The following ASIC2 variants were observed in gnomAD, a reference collection of about 807,000 sequenced individuals.
The protein encoded by ASIC2 is acid-sensing ion channel 2.
ASIC2 carries 25 observed loss-of-function variants against 57.3 expected under a neutral mutation model. The ratio of observed to expected loss-of-function variants is 0.44; its 90% CI spans 0.32 to 0.61. ASIC2 has a LOEUF of 0.61. Ranked by LOEUF, ASIC2 falls within the 20% of genes least tolerant of loss-of-function variation. The pLI, the probability that ASIC2 is intolerant of heterozygous loss-of-function variation, is 0.06. For missense variants in ASIC2, 641 were observed against 738.1 expected (o/e 0.87, Z 1.52); for synonymous variants, 319 against 307.5 (o/e 1.04, Z -0.39).
chr17:34,067,463 C>T (rs1909214083), intron 1 of ASIC2, among the ~76,000 whole-genome samples: 1 of 152,042 alleles, frequency 6.6e-6, no homozygotes, highest in African/African-American at 2.4e-5. Flanking sequence ...TGAAGGCTAA[C>T]AGGAGTGTGG....
At chr17:33,396,216 A>G (rs1304033335) in intron 1 of ASIC2, among the ~76,000 whole-genome samples, 1 of 152,200 alleles carries the variant, frequency 6.6e-6, no homozygotes, top group Non-Finnish European at 1.5e-5. Flanking sequence ...TGTAGCAAGA[A>G]GCTCAGGATA....
chr17:34,095,499 T>C (rs976607426), intron 1 of ASIC2, among the ~76,000 whole-genome samples: 1 of 151,760 alleles, frequency 6.6e-6, no homozygotes. Context: ...TGCTGCATCT[T>C]TCATCTCCAA....
At chr17:33,478,277 T>C (rs1172204130) in intron 1 of ASIC2, among the ~76,000 whole-genome samples, 1 of 152,256 alleles carries the variant, frequency 6.6e-6, no homozygotes, top group African/African-American at 2.4e-5. Context: ...ACTGTTCATG[T>C]GTCCCTTTGG....
intron 1 of ASIC2, among the ~76,000 whole-genome samples, chr17:33,950,242 G>A (rs12943838): frequency 0.048 from 7,252 of 152,308 alleles, 262 homozygotes; most frequent in Non-Finnish European, 0.066. Context: ...TTGATTACCA[G>A]GGAGGGCCTG....
chr17:34,073,963 G>A (rs1424868668), intron 1 of ASIC2, among the ~76,000 whole-genome samples: 1 of 152,130 alleles, frequency 6.6e-6, no homozygotes, highest in African/African-American at 2.4e-5. Flanking sequence ...CTCTCCAACT[G>A]GACTGTCTGC....
chr17:33,713,119 C>T (rs1183834124), intron 1 of ASIC2, among the ~76,000 whole-genome samples: 3 of 152,134 alleles, frequency 2.0e-5, no homozygotes, highest in East Asian at 1.9e-4. Flanking sequence ...GTCATGCTTG[C>T]GCTATTTATT....
chr17:34,073,400 G>C (rs914128297), intron 1 of ASIC2, among the ~76,000 whole-genome samples: 2 of 152,204 alleles, frequency 1.3e-5, no homozygotes, highest in Non-Finnish European at 2.9e-5. Context: ...ACCCAAAGTA[G>C]AGATAGGTTT....
chr17:33,285,453 CA>C (rs1905112474), intron 1 of ASIC2, among the ~76,000 whole-genome samples: 1 of 152,248 alleles, frequency 6.6e-6, no homozygotes, highest in Non-Finnish European at 1.5e-5. Context: ...AAACTCACGC[CA>C]TCTGCACTAT....
chr17:33,117,585 C>T (rs114995925), intron 1 of ASIC2, among the ~76,000 whole-genome samples: 2,607 of 152,268 alleles, frequency 0.017, 75 homozygotes, highest in African/African-American at 0.06. Context: ...CAAGGGGTAG[C>T]AGAGCTGAGA....
intron 1 of ASIC2, among the ~76,000 whole-genome samples, chr17:34,150,872 T>C (rs1489395111): frequency 6.6e-6 from 1 of 152,074 alleles, no homozygotes; most frequent in Admixed American, 6.5e-5. Context: ...CCTAGCACTT[T>C]GGGAGGCCAA....
intron 1 of ASIC2, among the ~76,000 whole-genome samples, chr17:33,977,349 G>A (rs1359182595): frequency 5.3e-5 from 8 of 152,210 alleles, no homozygotes; most frequent in Non-Finnish European, 8.8e-5. Context: ...CACTTTCAGG[G>A]CACCTCTGCC....
chr17:33,357,416 G>T (rs1908427905), intron 1 of ASIC2, among the ~76,000 whole-genome samples: 1 of 152,180 alleles, frequency 6.6e-6, no homozygotes, highest in South Asian at 2.1e-4. Flanking sequence ...CAACTGGCCA[G>T]ACTTAAATTT....
At chr17:33,198,195 C>T (rs924065381) in intron 1 of ASIC2, among the ~76,000 whole-genome samples, 18 of 152,044 alleles carry the variant, frequency 1.2e-4, no homozygotes, top group African/African-American at 4.3e-4. Flanking sequence ...ACAAAAGATA[C>T]TAAAAAAATT....
intron 1 of ASIC2, among the ~76,000 whole-genome samples, chr17:33,700,663 T>G (rs1185901850): frequency 6.6e-6 from 1 of 152,166 alleles, no homozygotes; most frequent in Non-Finnish European, 1.5e-5. Flanking sequence ...AAGTAATAGA[T>G]GTTAGCTATT....
chr17:33,652,382 C>A (rs1443830591), intron 1 of ASIC2, among the ~76,000 whole-genome samples: 3 of 152,212 alleles, frequency 2.0e-5, no homozygotes, highest in Non-Finnish European at 4.4e-5. Flanking sequence ...TAGTAGCCAA[C>A]ATGCATTGAG....
chr17:34,058,027 G>T (rs775729524), intron 1 of ASIC2, among the ~76,000 whole-genome samples: 1 of 152,008 alleles, frequency 6.6e-6, no homozygotes, highest in African/African-American at 2.4e-5. Flanking sequence ...CCTAAACACG[G>T]TCTAATCCTA....
At chr17:33,588,513 G>C (rs1222911052) in intron 1 of ASIC2, among the ~76,000 whole-genome samples, 1 of 152,140 alleles carries the variant, frequency 6.6e-6, no homozygotes, top group Admixed American at 6.5e-5. Flanking sequence ...CCATTCTTCC[G>C]ATCCATATTT....
At chr17:33,246,496 G>T (rs1023278032) in intron 1 of ASIC2, among the ~76,000 whole-genome samples, 1 of 152,180 alleles carries the variant, frequency 6.6e-6, no homozygotes, top group Middle Eastern at 3.2e-3. Flanking sequence ...GCCCAGGTAG[G>T]CCTGGCAGCC....
intron 1 of ASIC2, among the ~76,000 whole-genome samples, chr17:34,133,132 A>G (rs1912039887): frequency 6.6e-6 from 1 of 152,256 alleles, no homozygotes; most frequent in Admixed American, 6.5e-5. Context: ...TTAAATGTTC[A>G]TACTGACTCT....
Sources: gnomAD v4.1 joint callset for allele counts (sites outside exome capture counted in the v4.1 genomes callset) on GRCh38, gnomAD v4.1.1 for gene constraint, MANE v1.5 for transcripts, NCBI Gene and HGNC (gene_info 2026-07-23, HGNC 2026-07-21) for gene names.